Variants in LRRC4C observed in about 807,000 individuals in gnomAD.
LRRC4C encodes the protein leucine rich repeat containing 4C, also known as leucine-rich repeat-containing protein 4C.
Under a neutral mutation model 33.6 loss-of-function variants are expected in LRRC4C, and 5 were observed. The ratio of observed to expected loss-of-function variants is 0.15; its 90% CI spans 0.08 to 0.31. The LOEUF (loss-of-function observed/expected upper bound fraction) is 0.31, where lower values mean the gene tolerates loss of function less well. Ranked by LOEUF, LRRC4C falls within the 10% of genes least tolerant of loss-of-function variation. The probability of loss-of-function intolerance (pLI) is 1.00; values close to 1 mark genes in which losing one functional copy is unlikely to be tolerated. For synonymous variants in LRRC4C, 329 were observed against 302.0 expected (o/e 1.09, Z -0.93); for missense variants, 560 against 796.7 (o/e 0.70, Z 3.58).
intron 5 of LRRC4C, among the ~76,000 whole-genome samples, chr11:40,203,749 C>T (rs1412782764): frequency 6.6e-6 from 1 of 152,118 alleles, no homozygotes; most frequent in Non-Finnish European, 1.5e-5. Context: ...AGATTTCAGA[C>T]CGATCCAAGC....
intron 1 of LRRC4C, among the ~76,000 whole-genome samples, chr11:41,021,336 C>T (rs1469296520): frequency 6.6e-6 from 1 of 151,694 alleles, no homozygotes; most frequent in Non-Finnish European, 1.5e-5. Context: ...TCCTTTGCCA[C>T]CTTCACCTCT....
chr11:41,368,703 G>T (rs951506566), intron 1 of LRRC4C, among the ~76,000 whole-genome samples: 1 of 152,160 alleles, frequency 6.6e-6, no homozygotes, highest in African/African-American at 2.4e-5. Flanking sequence ...TTCAAAATGT[G>T]TTGTATGGAG....
chr11:41,440,550 T>TA (rs1955583570), intron 1 of LRRC4C, among the ~76,000 whole-genome samples: 4 of 152,122 alleles, frequency 2.6e-5, no homozygotes, highest in African/African-American at 7.2e-5. Flanking sequence ...TATGTTTTTT[T>TA]TAAAAAAAAG....
chr11:40,755,375 A>G (rs147834790), intron 2 of LRRC4C, among the ~76,000 whole-genome samples: 36 of 152,238 alleles, frequency 2.4e-4, no homozygotes, highest in Admixed American at 1.4e-3. Context: ...ACAGAGAGGT[A>G]CAGAAATTAG....
In LRRC4C at chr11:40,587,001, A is replaced by G. The variant is rs545697550; in HGVS notation, c.-270+61141T>C. On this transcript the variant is annotated intron_variant, in intron 3 of 6. Coordinates refer to ENST00000528697, the MANE Select transcript of LRRC4C (RefSeq NM_001258419.2). ...ATGAACTTTAAAGTAGTTTTTTCCA[A>G]TTCTGTGAAGAAATTCATTGGTAGC... Among the ~76,000 whole-genome samples, 8 of 151,810 alleles carry G rather than the reference A, an allele frequency of 5.3e-5. 1 individual carries two copies. Among genetic ancestry groups the G allele is most frequent in the Non-Finnish European group, 4.4e-5 (3 of 67,920 alleles).
intron 1 of LRRC4C, among the ~76,000 whole-genome samples, chr11:41,190,722 T>C (rs993908746): frequency 7.2e-5 from 11 of 152,154 alleles, no homozygotes; most frequent in Admixed American, 7.2e-4. Flanking sequence ...GTTTAAAATC[T>C]GAAATGACGT....
chr11:41,165,816 G>A (rs766325038), intron 1 of LRRC4C, among the ~76,000 whole-genome samples: 1 of 152,000 alleles, frequency 6.6e-6, no homozygotes, highest in East Asian at 1.9e-4. Flanking sequence ...GACCACCTGA[G>A]GCCAGGAGTT....
intron 4 of LRRC4C, among the ~76,000 whole-genome samples, chr11:40,261,177 C>T (rs10768592): frequency 0.5 from 75,525 of 151,916 alleles, 20,592 homozygotes; most frequent in East Asian, 0.74. Flanking sequence ...CGTGAGTCAC[C>T]TCACCCAGCC....
chr11:41,370,520 G>A (rs1660507118), intron 1 of LRRC4C, among the ~76,000 whole-genome samples: 1 of 152,076 alleles, frequency 6.6e-6, no homozygotes, highest in Admixed American at 6.6e-5. Flanking sequence ...GTTTTGTCAG[G>A]GGTGTCCGCT....
chr11:40,903,901 A>C (rs2136210105), intron 2 of LRRC4C, among the ~76,000 whole-genome samples: 1 of 151,660 alleles, frequency 6.6e-6, no homozygotes, highest in East Asian at 1.9e-4. Flanking sequence ...CATGTACTTC[A>C]TAAATATATA....
At position 40,614,632 on chromosome 11, in the gene LRRC4C, C is replaced by G. The variant is rs190205427; in HGVS notation, c.-270+33510G>C. Among the ~76,000 whole-genome samples the G allele has an allele frequency of 2.6e-5, 4 of 151,708 alleles. No homozygotes were observed. The South Asian group carries it at 6.2e-4, about 24-fold the overall frequency. On this transcript the variant is annotated intron_variant, in intron 3 of 6. Transcript: ENST00000528697. ...AGGCTTGGCTTTTGGCCTAATTCAG[C>G]TTTTGACTTGCCTTCTTCACTGAGC...
chr11:41,001,863 ATTTT>A (rs5791412), intron 1 of LRRC4C, among the ~76,000 whole-genome samples: 2 of 145,882 alleles, frequency 1.4e-5, no homozygotes, highest in Admixed American at 6.8e-5. Flanking sequence ...GGTCTGTGAC[ATTTT>A]TTTTTTTTTT....
intron 2 of LRRC4C, among the ~76,000 whole-genome samples, chr11:40,677,742 G>A (rs189771619): frequency 3.3e-5 from 5 of 152,270 alleles, no homozygotes; most frequent in East Asian, 1.9e-4. Context: ...CAGCCTTCAC[G>A]TGGTGAAATG....
intron 1 of LRRC4C, among the ~76,000 whole-genome samples, chr11:41,137,521 T>A (rs936718493): frequency 1.4e-4 from 21 of 152,188 alleles, no homozygotes; most frequent in African/African-American, 4.8e-4. Flanking sequence ...ATTTTCATTA[T>A]CTTAGAATAT....
At chr11:41,133,270 C>G (rs1189648803) in intron 1 of LRRC4C, among the ~76,000 whole-genome samples, 2 of 152,082 alleles carry the variant, frequency 1.3e-5, no homozygotes, top group Non-Finnish European at 2.9e-5. Context: ...TAACACTACT[C>G]TTTCAAAGTT....
intron 3 of LRRC4C, among the ~76,000 whole-genome samples, chr11:40,622,746 G>A (rs1360114299): frequency 6.6e-6 from 1 of 151,772 alleles, no homozygotes; most frequent in African/African-American, 2.4e-5. Context: ...TTCTAAATAT[G>A]AGACTTTGAA....
chr11:41,019,953 C>T (rs1208952718), intron 1 of LRRC4C, among the ~76,000 whole-genome samples: 2 of 152,088 alleles, frequency 1.3e-5, no homozygotes, highest in Non-Finnish European at 2.9e-5. Context: ...AAAACTTTCT[C>T]CCATTCTGTA....
intron 1 of LRRC4C, among the ~76,000 whole-genome samples, chr11:41,075,028 T>TTTTTTTTTTTA (rs1565359506): frequency 0.011 from 332 of 30,732 alleles, 4 homozygotes; most frequent in Non-Finnish European, 0.014. Flanking sequence ...TTTTTTTTTT[T>TTTTTTTTTTTA]TTTTTTTTAT....
chr11:40,503,758 T>C (rs1021104000), intron 3 of LRRC4C, among the ~76,000 whole-genome samples: 1 of 152,184 alleles, frequency 6.6e-6, no homozygotes, highest in Non-Finnish European at 1.5e-5. Flanking sequence ...GGATTAGAGG[T>C]AAAGGATTTA....
Sources: allele counts gnomAD v4.1 joint callset (sites outside exome capture counted in the v4.1 genomes callset), GRCh38; gene constraint gnomAD v4.1.1; transcripts MANE v1.5; gene names NCBI Gene and HGNC (gene_info 2026-07-23, HGNC 2026-07-21).